ASB3: variants seen among roughly 807,000 people sequenced by gnomAD.
ASB3 encodes the protein ankyrin repeat and SOCS box protein 3.
Under a neutral mutation model 54.5 loss-of-function variants are expected in ASB3, and 41 were observed. That is an observed-to-expected ratio of 0.75 (90% CI 0.59 to 0.98). The LOEUF is 0.98. Ranked by LOEUF, ASB3 falls within the 50% of genes least tolerant of loss-of-function variation. The pLI, the probability that ASB3 is intolerant of heterozygous loss-of-function variation, is 0.00. For synonymous variants in ASB3, 266 were observed against 221.2 expected (o/e 1.20, Z -1.80); for missense variants, 733 against 620.0 (o/e 1.18, Z -1.94).
intron 2 of ASB3, among the ~76,000 whole-genome samples, chr2:53,760,749 C>G (rs527984162): frequency 2.6e-5 from 4 of 152,182 alleles, no homozygotes; most frequent in Admixed American, 2.6e-4. Flanking sequence ...AGCAGATAGT[C>G]AGGATCTGTG....
At chr2:53,744,436 G>C (rs1672117284) in intron 3 of ASB3, among the ~76,000 whole-genome samples, 1 of 151,078 alleles carries the variant, frequency 6.6e-6, no homozygotes, top group South Asian at 2.1e-4. Context: ...GTAATATAAA[G>C]TTGTATCAAG....
At chr2:53,774,259 A>G in intron 1 of ASB3, 5 of 1,614,180 alleles carry the variant, frequency 3.1e-6, no homozygotes, top group Non-Finnish European at 3.4e-6. Flanking sequence ...TTTTTATCCA[A>G]AAGATCCCAC....
chr2:53,780,914 T>TA (rs574893918), intron 1 of ASB3, among the ~76,000 whole-genome samples: 24 of 152,322 alleles, frequency 1.6e-4, no homozygotes, highest in Non-Finnish European at 2.8e-4. Flanking sequence ...GGTTAACACT[T>TA]ATGTAGCACT....
chr2:53,686,976 T>C (rs1031880728), intron 9 of ASB3, among the ~76,000 whole-genome samples: 2 of 152,212 alleles, frequency 1.3e-5, no homozygotes, highest in African/African-American at 4.8e-5. Flanking sequence ...TGCCTTGGCC[T>C]CCCAAAGTAC....
In ASB3 at chr2:53,696,328, T is replaced by G. The variant is rs190639199; in HGVS notation, c.1239-2314A>C. Among the ~76,000 whole-genome samples the G allele has an allele frequency of 1.1e-3, 164 of 152,226 alleles. 2 individuals are homozygous for G. The highest frequency in any genetic ancestry group is 4.4e-3 in the South Asian group (21 of 4,824). On this transcript the variant is annotated intron_variant, in intron 8 of 9. Coordinates refer to ENST00000263634, the MANE Select transcript of ASB3 (RefSeq NM_016115.5). ...TTTTCTATTTCACATATCCGATAAATACAGCACACACCCAATGGCTTATTG... is the reference window on the plus strand; with the variant it reads ...TTTTCTATTTCACATATCCGATAAAGACAGCACACACCCAATGGCTTATTG...
At chr2:53,740,116 T>C (rs530002834) in intron 3 of ASB3, among the ~76,000 whole-genome samples, 2 of 152,364 alleles carry the variant, frequency 1.3e-5, no homozygotes, top group East Asian at 3.9e-4. Flanking sequence ...AGAAATCATC[T>C]ATATATTCAA....
intron 1 of ASB3, among the ~76,000 whole-genome samples, chr2:53,773,974 G>T (rs971778023): frequency 4.6e-5 from 7 of 152,124 alleles, no homozygotes; most frequent in Non-Finnish European, 1.0e-4. Context: ...GGCTGAGGTT[G>T]CAGTAGGCCA....
At chr2:53,707,730 G>T (rs1245164420) in intron 7 of ASB3, among the ~76,000 whole-genome samples, 1 of 151,614 alleles carries the variant, frequency 6.6e-6, no homozygotes, top group Non-Finnish European at 1.5e-5. Context: ...GGGAGGTGAA[G>T]GGGGGCAGAT....
At chr2:53,780,197 A>G (rs571945363) in intron 1 of ASB3, among the ~76,000 whole-genome samples, 4 of 152,344 alleles carry the variant, frequency 2.6e-5, no homozygotes, top group African/African-American at 9.6e-5. Flanking sequence ...CAAATCCTTT[A>G]ATCTGGCATT....
chr2:53,728,856 C>T lies in ASB3; in HGVS notation c.469-9G>A. ...ATGATCTCAGCATTTTCCTAAAGCA[C>T]AGATTCACATTTTAAATAAGAAAAA... On this transcript the variant is annotated splice_polypyrimidine_tract_variant and intron_variant, in intron 4 of 9. Transcript: ENST00000263634. The T allele has an allele frequency of 6.3e-7, 1 of 1,578,496 alleles. No individual in the cohort carries two copies. Among genetic ancestry groups the T allele is most frequent in the East Asian group, 2.3e-5 (1 of 44,436 alleles).
At chr2:53,693,502 T>TAA (rs1377298773) in intron 9 of ASB3, among the ~76,000 whole-genome samples, 1 of 152,106 alleles carries the variant, frequency 6.6e-6, no homozygotes, top group Non-Finnish European at 1.5e-5. Context: ...ACAGAGAACA[T>TAA]AACTCCACAG....
intron 1 of ASB3, among the ~76,000 whole-genome samples, chr2:53,775,600 C>T (rs1369025966): frequency 2.6e-5 from 4 of 152,186 alleles, no homozygotes; most frequent in African/African-American, 9.7e-5. Flanking sequence ...CTCAGCCTCC[C>T]GCGTAGCTGG....
chr2:53,721,429 G>C (rs924806106), intron 5 of ASB3, among the ~76,000 whole-genome samples: 1 of 146,620 alleles, frequency 6.8e-6, no homozygotes, highest in African/African-American at 2.5e-5. Context: ...AAATTAGCCA[G>C]ACATAGTGGT....
chr2:53,763,198 A>T (rs1673242467), intron 2 of ASB3, among the ~76,000 whole-genome samples: 1 of 152,104 alleles, frequency 6.6e-6, no homozygotes, highest in Non-Finnish European at 1.5e-5. Context: ...CTCGGCAACA[A>T]AGTGAGACAG....
At chr2:53,756,097 T>C (rs1672808142) in intron 2 of ASB3, among the ~76,000 whole-genome samples, 1 of 151,578 alleles carries the variant, frequency 6.6e-6, no homozygotes, top group African/African-American at 2.4e-5. Flanking sequence ...GCCCAAGAGT[T>C]GGAGGCTGCA....
At chr2:53,757,948 G>C (rs1672926726) in intron 2 of ASB3, among the ~76,000 whole-genome samples, 1 of 151,974 alleles carries the variant, frequency 6.6e-6, no homozygotes, top group South Asian at 2.1e-4. Flanking sequence ...ACTGGAACTG[G>C]GTCTATGACA....
intron 3 of ASB3, among the ~76,000 whole-genome samples, chr2:53,739,392 C>A (rs2103957130): frequency 6.6e-6 from 1 of 151,966 alleles, no homozygotes; most frequent in East Asian, 1.9e-4. Context: ...ATATGGTAGA[C>A]CTATACATAC....
chr2:53,712,216 C>CAA (rs764847561), intron 7 of ASB3, among the ~76,000 whole-genome samples: 156 of 133,540 alleles, frequency 1.2e-3, no homozygotes, highest in African/African-American at 4.0e-3. Context: ...TAAAAAAATA[C>CAA]AAAAAAAAAA....
chr2:53,694,055 A>G, intron 8 of ASB3, 41 bp from the exon 9 acceptor site: 1 of 1,603,854 alleles, frequency 6.2e-7, no homozygotes, highest in Non-Finnish European at 8.5e-7. Context: ...GAAACAAAAC[A>G]TGCCAAGGGT....
Sources: gnomAD v4.1 joint callset for allele counts (sites outside exome capture counted in the v4.1 genomes callset) on GRCh38, gnomAD v4.1.1 for gene constraint, MANE v1.5 for transcripts, NCBI Gene and HGNC (gene_info 2026-07-23, HGNC 2026-07-21) for gene names.